Variants in ZNF394 observed in about 807,000 individuals in gnomAD.
ZNF394 encodes the protein zinc finger protein 99.
In ZNF394, 19 loss-of-function variants were observed where a neutral mutation model predicts 21.8. The observed-to-expected ratio is 0.87, with a 90% CI of 0.61 to 1.28. The LOEUF (loss-of-function observed/expected upper bound fraction) is 1.28. Among genes scored for constraint, ZNF394 ranks in the 50% most tolerant of loss-of-function variants. The pLI is 0.00. For synonymous variants in ZNF394, 294 were observed against 273.3 expected (o/e 1.08, Z -0.75); for missense variants, 683 against 708.6 (o/e 0.96, Z 0.41).
intron 2 of ZNF394, among the ~76,000 whole-genome samples, chr7:99,497,122 G>GTATATATATATATATATA (rs1206330509): frequency 1.6e-4 from 13 of 79,420 alleles, no homozygotes; most frequent in African/African-American, 2.2e-4. Flanking sequence ...GTGTGTGTGT[G>GTATATATATATATATATA]TATATATATA....
Position 99,493,770 on chromosome 7 carries a change from G to A in ZNF394, c.1445C>T (p.Ser482Phe). ...EECEKSFKQR[S>F]DLFKHHRIHT... ...GATTCTGTGGTGTTTAAAGAGGTCA[G>A]AGCGCTGTTTGAAGCTCTTCTCGCA... Residue 482 changes from serine to phenylalanine, a missense_variant, in exon 3 of 3, where the codon TCT (serine) becomes TTT (phenylalanine). Ser to Phe is a radical substitution (Grantham distance 155). Transcript: ENST00000337673. 1 of 1,614,184 alleles carries A rather than the reference G, an allele frequency of 6.2e-7. No homozygotes were observed. The highest frequency in any genetic ancestry group is 8.5e-7 in the Non-Finnish European group (1 of 1,180,040).
At chr7:99,489,290 GAAAA>G (rs66724141), downstream of ZNF394, among the ~76,000 whole-genome samples, 33 of 109,322 alleles carry the variant, frequency 3.0e-4, no homozygotes, top group African/African-American at 9.2e-4. Context: ...TCTCAAAAAA[GAAAA>G]AAAAAAAAAA....
chr7:99,491,763 A>AGAC (rs1800164821), downstream of ZNF394, among the ~76,000 whole-genome samples: 2 of 91,466 alleles, frequency 2.2e-5, no homozygotes, highest in African/African-American at 5.2e-5. Flanking sequence ...GCGACAGAGA[A>AGAC]TCTGTCTCAA....
In ZNF394 at chr7:99,500,020, G is replaced by C. The variant is rs1313781971; in HGVS notation, c.74C>G (p.Ser25Cys). The change falls in exon 1 of 3, where the codon TCC (serine) becomes TGC (cysteine). Residue 25 changes from serine to cysteine, a missense_variant. Physicochemically the swap from Ser to Cys is moderately radical, Grantham distance 112 (BLOSUM62 -1). Transcript: ENST00000337673. ...ELGPWVMAAR[S>C]KDAAPSQRDG... ...GCGTTGGGACGGCGCCGCGTCCTTGGACCTCGCAGCCATCACCCAGGGTCC... is the reference window on the plus strand; with the variant it reads ...GCGTTGGGACGGCGCCGCGTCCTTGCACCTCGCAGCCATCACCCAGGGTCC... 7 of 1,606,414 alleles carry C rather than the reference G, an allele frequency of 4.4e-6. No homozygotes were observed. The highest frequency in any genetic ancestry group is 5.9e-6 in the Non-Finnish European group (7 of 1,178,666).
downstream of ZNF394, among the ~76,000 whole-genome samples, chr7:99,490,667 G>A (rs1463447432): frequency 1.4e-5 from 2 of 147,386 alleles, no homozygotes; most frequent in Admixed American, 6.9e-5. Flanking sequence ...TTGTATTTAC[G>A]ATTCTCTCCA....
intron 2 of ZNF394, among the ~76,000 whole-genome samples, chr7:99,497,572 CAAT>C (rs1352604085): frequency 6.6e-6 from 1 of 151,700 alleles, no homozygotes; most frequent in Non-Finnish European, 1.5e-5. Context: ...TTAATTATAA[CAAT>C]ATACTTAGCT....
In ZNF394 at chr7:99,499,673, C is replaced by T. The variant is rs376396813; in HGVS notation, c.421G>A (p.Ala141Thr). ...GTTCCATCGAGCGCTCGCTGCAGAG[C>T]CCGCACCACGGCCACCGCCTCCTCC... ...SGEEAVAVVR[A>T]LQRALDGTSS... Residue 141 changes from alanine (A) to threonine (T), a missense_variant, in exon 1 of 3, where the codon GCT becomes ACT. This residue lies in a region of ZNF394 where 402 missense variants were observed against 373.8 expected (regional missense o/e 1.08). Transcript: ENST00000337673. 1.2e-5 allele frequency: 20 copies of T among 1,608,594 alleles called. No homozygotes were observed. Among genetic ancestry groups the T allele is most frequent in the Non-Finnish European group, 1.7e-5 (20 of 1,178,654 alleles).
exon 2 of ZNF394, chr7:99,486,813 T>C: frequency 1.9e-6 from 3 of 1,614,226 alleles, no homozygotes; most frequent in Non-Finnish European, 2.5e-6. Flanking sequence ...CAAAGTCTTA[T>C]GAATGCAGTG....
rs753130219 is a variant in ZNF394, at chr7:99,493,882, C to T, written c.1333G>A (p.Glu445Lys). 6.2e-7 allele frequency: 1 copy of T among 1,614,206 alleles called. No individual in the cohort carries two copies. The highest frequency in any genetic ancestry group is 8.5e-7 in the Non-Finnish European group (1 of 1,180,040). The change falls in exon 3 of 3, where the codon GAG becomes AAG. Residue 445 changes from glutamate (E) to lysine (K), a missense_variant. This residue lies in a region of ZNF394 where 274 missense variants were observed against 314.1 expected (regional missense o/e 0.87). Coordinates refer to ENST00000337673, the MANE Select transcript of ZNF394 (RefSeq NM_032164.4). ...ATATGACAGGTTTCCCCGCATTCCT[C>T]ACATTTAAAATGTTTGTCTCTACTG... ...THSRDKHFKC[E>K]ECGETCHISN...
chr7:99,490,146 C>CTTTTTTTT (rs943034221), downstream of ZNF394, among the ~76,000 whole-genome samples: 6 of 89,236 alleles, frequency 6.7e-5, no homozygotes, highest in Admixed American at 1.4e-4. Context: ...AAAACCTCAT[C>CTTTTTTTT]TTTTTTTTTT....
chr7:99,487,319 A>T (rs752595965), intron 1 of ZNF394: 1 of 1,614,268 alleles, frequency 6.2e-7, no homozygotes, highest in African/African-American at 1.3e-5. Context: ...GAATTCTTTC[A>T]ATGTGGAGAA....
chr7:99,488,071 C>CAAA (rs1180851983), intron 1 of ZNF394, among the ~76,000 whole-genome samples: 3,330 of 67,936 alleles, frequency 0.049, 267 homozygotes, highest in African/African-American at 0.14. Flanking sequence ...GACTCCGTCT[C>CAAA]AAAAAAAAAA....
Position 99,499,925 on chromosome 7 carries a change from A to C in ZNF394, c.169T>G (p.Ser57Ala). ...AGTCGAGAAGTTTCGGGGTCCGGCG[A>C]AGCCGCGGGATAGTTGGGCTCCCAA... ...GSWEPNYPAA[S>A]PDPETSRLHF... The change falls in exon 1 of 3, where the codon TCG becomes GCG. Residue 57 changes from serine to alanine, a missense_variant. Physicochemically the swap from Ser to Ala is moderately conservative, Grantham distance 99. Around this residue, in one of 3 missense-constraint regions of ZNF394, gnomAD observed 402 missense variants for 373.8 expected, o/e 1.08. Coordinates refer to ENST00000337673, the MANE Select transcript of ZNF394 (RefSeq NM_032164.4). 1 of 1,614,084 alleles carries C rather than the reference A, an allele frequency of 6.2e-7. No homozygotes were observed. The highest frequency in any genetic ancestry group is 8.5e-7 in the Non-Finnish European group (1 of 1,180,032).
At position 99,499,965 on chromosome 7, in the gene ZNF394, T is replaced by C. The variant is rs1437785813; in HGVS notation, c.129A>G (p.Glu43=). The change falls in exon 1 of 3, where the codon GAA becomes GAG. Residue 43 remains glutamate, a synonymous_variant. Transcript: ENST00000337673. ...TGGGCTCCCAACTTCCGGGTGAGTC[T>C]TCCTCCACTTTCACGGGCAAAAGTC... The part of the protein sequence containing the change: ...RDGLLPVKVE[E]DSPGSWEPNY... The C allele has an allele frequency of 1.9e-6, 3 of 1,613,576 alleles. No individual in the cohort carries two copies. The African/African-American group carries it at 4.0e-5, about 22-fold the overall frequency.
intron 2 of ZNF394, among the ~76,000 whole-genome samples, chr7:99,497,124 A>ATG (rs1562894677): frequency 2.4e-5 from 2 of 84,486 alleles, no homozygotes; most frequent in Non-Finnish European, 4.2e-5. Context: ...GTGTGTGTGT[A>ATG]TATATATATA....
chr7:99,491,649 G>A (rs779099781), downstream of ZNF394, among the ~76,000 whole-genome samples: 2 of 151,850 alleles, frequency 1.3e-5, no homozygotes, highest in Non-Finnish European at 2.9e-5. Context: ...GGTGGCGAGT[G>A]CCTGTGGTCT....
rs968737238 is a variant in ZNF394, at chr7:99,499,921, G to C, written c.173C>G (p.Pro58Arg). ...GTGCAGTCGAGAAGTTTCGGGGTCC[G>C]GCGAAGCCGCGGGATAGTTGGGCTC... The part of the protein sequence containing the change: ...SWEPNYPAAS[P>R]DPETSRLHFR... Residue 58 changes from proline to arginine, a missense_variant, in exon 1 of 3, where the codon CCG becomes CGG. Physicochemically the swap from Pro to Arg is moderately radical, Grantham distance 103 (BLOSUM62 -2). Around this residue, in one of 3 missense-constraint regions of ZNF394, gnomAD observed 402 missense variants for 373.8 expected, o/e 1.08. Coordinates refer to ENST00000337673, the MANE Select transcript of ZNF394 (RefSeq NM_032164.4). The C allele has an allele frequency of 1.2e-6, 2 of 1,614,100 alleles. No homozygotes were observed. Among genetic ancestry groups the C allele is most frequent in the South Asian group, 1.1e-5 (1 of 91,090 alleles).
Position 99,493,644 on chromosome 7 carries a change from G to A in ZNF394, c.1571C>T (p.Pro524Leu). ...KHQRIHTGEK[P>L]YKCLECGERF... is the part of the protein sequence containing the mutation. ...TTCCCCACATTCAAGACATTTGTAA[G>A]GCTTTTCCCCAGTGTGAATTCTCTG... is the stretch of plus-strand genomic sequence containing the variant. Residue 524 changes from proline to leucine, a missense_variant, in exon 3 of 3, where the codon CCT (proline) becomes CTT (leucine). Transcript: ENST00000337673. 1.2e-6 allele frequency: 2 copies of A among 1,614,230 alleles called. No individual in the cohort carries two copies. Among genetic ancestry groups the A allele is most frequent in the Non-Finnish European group, 1.7e-6 (2 of 1,180,040 alleles).
rs373326846 is a variant in ZNF394, at chr7:99,499,822, C to A, written c.272G>T (p.Arg91Leu). ...ALSRLRELCR[R>L]WLRPELLSKE... ...GGAGAGCAGCTCGGGTCTCAGCCAC[C>A]GACGACAGAGTTCTCGGAGCCGGCT... The change falls in exon 1 of 3, where the codon CGG becomes CTG. Residue 91 changes from arginine (R) to leucine (L), a missense_variant. Physicochemically the swap from Arg to Leu is moderately radical, Grantham distance 102. Transcript: ENST00000337673. 1.2e-6 allele frequency: 2 copies of A among 1,614,082 alleles called. No homozygotes were observed. Among genetic ancestry groups the A allele is most frequent in the Non-Finnish European group, 8.5e-7 (1 of 1,180,050 alleles).
Sources: gnomAD v4.1 joint callset for allele counts (sites outside exome capture counted in the v4.1 genomes callset) on GRCh38, gnomAD v4.1.1 for gene constraint, gnomAD v4.1.1 regional missense constraint, MANE v1.5 for transcripts, NCBI Gene and HGNC (gene_info 2026-07-23, HGNC 2026-07-21) for gene names.